TMEM163: variants seen among roughly 807,000 people sequenced by gnomAD.
TMEM163 encodes transmembrane protein 163.
A neutral mutation model predicts 29.3 loss-of-function variants in TMEM163; 17 were observed. The observed-to-expected ratio is 0.58, with a 90% confidence interval of 0.40 to 0.87. The LOEUF (loss-of-function observed/expected upper bound fraction) is 0.87. Ranked by LOEUF, TMEM163 falls within the 40% of genes least tolerant of loss-of-function variation. TMEM163 has a pLI of 0.00. For missense variants in TMEM163, 303 were observed against 381.5 expected, an observed-to-expected ratio of 0.79 and a Z score of 1.71; for synonymous variants, 157 against 160.6, an observed-to-expected ratio of 0.98 and a Z score of 0.17.
At chr2:134,705,479 A>G (rs2104895222) in intron 2 of TMEM163, among the ~76,000 whole-genome samples, 1 of 152,226 alleles carries the variant, frequency 6.6e-6, no homozygotes, top group African/African-American at 2.4e-5. Context: ...CTGCTGACAT[A>G]TTGATCTTGG....
At position 134,710,640 on chromosome 2, in the gene TMEM163, T is replaced by TAAA. The variant is rs34375062; in HGVS notation, c.322+2557_322+2559dup. ...AAGAAATATTGTCCTTCCACCTAAC[T>TAAA]AAAAAAAAAAAAAGTGTTAAAAAAT... On this transcript the variant is annotated intron_variant, in intron 2 of 7. Coordinates refer to ENST00000281924, the MANE Select transcript of TMEM163 (RefSeq NM_030923.5). Among the ~76,000 whole-genome samples the TAAA allele has an allele frequency of 1.0e-3, 150 of 143,766 alleles. 1 individual carries two copies. In the Middle Eastern group the frequency reaches 0.011, roughly 10 times the overall value. 94.3% of individuals were successfully genotyped at this position (143,766 alleles called of 152,430 possible).
intron 2 of TMEM163, among the ~76,000 whole-genome samples, chr2:134,624,770 A>T (rs1250409350): frequency 6.6e-6 from 1 of 152,010 alleles, no homozygotes; most frequent in Non-Finnish European, 1.5e-5. Flanking sequence ...TTAGCCAGGC[A>T]TGGTGGCATG....
chr2:134,490,018 T>C (rs957160919), intron 5 of TMEM163, among the ~76,000 whole-genome samples: 1 of 152,222 alleles, frequency 6.6e-6, no homozygotes, highest in African/African-American at 2.4e-5. Context: ...CAAACATTTA[T>C]TGAGTTCCCA....
intron 2 of TMEM163, among the ~76,000 whole-genome samples, chr2:134,610,474 C>A (rs1406535798): frequency 6.6e-6 from 1 of 152,182 alleles, no homozygotes; most frequent in African/African-American, 2.4e-5. Flanking sequence ...GGGGGGAGGT[C>A]TGGGGACATA....
chr2:134,469,943 G>C (rs1310193117), intron 5 of TMEM163: 1 of 152,436 alleles, frequency 6.6e-6, no homozygotes, highest in Non-Finnish European at 1.5e-5. Context: ...ACACTCAGAG[G>C]CAACCGCTTT....
intron 2 of TMEM163, among the ~76,000 whole-genome samples, chr2:134,581,031 C>G (rs779636727): frequency 6.6e-6 from 1 of 152,112 alleles, no homozygotes; most frequent in African/African-American, 2.4e-5. Flanking sequence ...AGTCCCTGGA[C>G]CCTCTAATGA....
At chr2:134,662,568 A>C (rs146689723) in intron 2 of TMEM163, among the ~76,000 whole-genome samples, 139 of 152,302 alleles carry the variant, frequency 9.1e-4, no homozygotes, top group African/African-American at 3.2e-3. Flanking sequence ...AATATGACTG[A>C]AAGGTTCATA....
intron 2 of TMEM163, among the ~76,000 whole-genome samples, chr2:134,624,475 G>A (rs1682805627): frequency 6.6e-6 from 1 of 152,188 alleles, no homozygotes; most frequent in Non-Finnish European, 1.5e-5. Context: ...GGAGGAGGGA[G>A]AGGATCAAGA....
intron 6 of TMEM163, among the ~76,000 whole-genome samples, chr2:134,465,388 A>G (rs78205200): frequency 6.6e-6 from 1 of 152,316 alleles, no homozygotes; most frequent in Non-Finnish European, 1.5e-5. Flanking sequence ...CCAACCCACA[A>G]GACTTTTGCC....
rs565855813 is a variant in TMEM163 at position 134,489,196 on chromosome 2, G to A, written c.555+13705C>T. 3.9e-5 allele frequency among the ~76,000 whole-genome samples: 6 copies of A among 152,210 alleles called. No homozygotes were observed. The East Asian group carries it at 1.2e-3, about 29-fold the overall frequency. On this transcript the variant is annotated intron_variant, in intron 5 of 7. Coordinates refer to ENST00000281924, the MANE Select transcript of TMEM163 (RefSeq NM_030923.5). The stretch of plus-strand genomic sequence containing the variant: ...AAACTACCCAAATGTCCATCAACCA[G>A]GGAAGGCCTAAAGCACCTACATTTA...
chr2:134,635,215 T>C (rs1233832492), intron 2 of TMEM163, among the ~76,000 whole-genome samples: 4 of 152,182 alleles, frequency 2.6e-5, no homozygotes, highest in African/African-American at 9.7e-5. Context: ...CTTGCTGAGA[T>C]TTCTGTGTTG....
chr2:134,593,248 G>A (rs996829535), intron 2 of TMEM163, among the ~76,000 whole-genome samples: 7 of 152,118 alleles, frequency 4.6e-5, no homozygotes, highest in African/African-American at 1.7e-4. Context: ...TCAGCTTCTT[G>A]GAAAATATGC....
intron 2 of TMEM163, among the ~76,000 whole-genome samples, chr2:134,576,059 G>A (rs937943689): frequency 6.6e-6 from 1 of 152,122 alleles, no homozygotes; most frequent in African/African-American, 2.4e-5. Flanking sequence ...AGGGCTGTGC[G>A]GTCAAGGGAG....
Position 134,652,959 on chromosome 2 carries a change from T to C in TMEM163, c.322+60241A>G, listed in dbSNP as rs1201673429. ...TGGATTCGTTTTGCCAGTATTTTAT[T>C]GAGGATTTTTGCATCAATGTTCATC... On this transcript the variant is annotated intron_variant, in intron 2 of 7. Transcript: ENST00000281924. Among the ~76,000 whole-genome samples, 2 of 119,132 alleles carry C rather than the reference T, an allele frequency of 1.7e-5. 1 individual carries two copies. The highest frequency in any genetic ancestry group is 3.3e-5 in the Non-Finnish European group (2 of 59,984). The allele number at this position is 119,132 out of a possible 152,430, so 78.2% of individuals were successfully genotyped here.
intron 4 of TMEM163, among the ~76,000 whole-genome samples, chr2:134,530,149 C>T (rs535091578): frequency 6.6e-6 from 1 of 152,282 alleles, no homozygotes; most frequent in South Asian, 2.1e-4. Flanking sequence ...CCTTCAAGCC[C>T]TTCTCCCTAA....
chr2:134,683,832 C>G (rs995908599), intron 2 of TMEM163, among the ~76,000 whole-genome samples: 27 of 151,330 alleles, frequency 1.8e-4, no homozygotes, highest in African/African-American at 6.6e-4. Flanking sequence ...ATTCCCTGAA[C>G]TTGACACGTC....
At chr2:134,611,269 G>C (rs1413849281) in intron 2 of TMEM163, among the ~76,000 whole-genome samples, 7 of 152,116 alleles carry the variant, frequency 4.6e-5, no homozygotes. Context: ...ATTCAACAAT[G>C]AATAGATACT....
intron 5 of TMEM163, among the ~76,000 whole-genome samples, chr2:134,471,359 CAGA>C (rs1686796727): frequency 6.6e-6 from 1 of 152,056 alleles, no homozygotes; most frequent in Non-Finnish European, 1.5e-5. Flanking sequence ...TATAAGAAAA[CAGA>C]AGATCTTTTT....
At chr2:134,539,172 T>C (rs547131525) in intron 4 of TMEM163, among the ~76,000 whole-genome samples, 1 of 152,290 alleles carries the variant, frequency 6.6e-6, no homozygotes, top group South Asian at 2.1e-4. Context: ...GATAAGCCAC[T>C]CAAGGATTTA....
Sources: allele counts gnomAD v4.1 joint callset (sites outside exome capture counted in the v4.1 genomes callset), GRCh38; gene constraint gnomAD v4.1.1; transcripts MANE v1.5; gene names NCBI Gene and HGNC (gene_info 2026-07-23, HGNC 2026-07-21).